Variants in CFAP299 observed in about 807,000 individuals in gnomAD.
CFAP299 encodes the protein cilia- and flagella-associated protein 299.
In CFAP299, 21 loss-of-function variants were observed where a neutral mutation model predicts 27.0. The ratio of observed to expected loss-of-function variants is 0.78; its 90% CI spans 0.55 to 1.12. CFAP299 has a LOEUF of 1.12. Among genes scored for constraint, CFAP299 ranks in the 50% most tolerant of loss-of-function variants. CFAP299 has a pLI of 0.00. For synonymous variants in CFAP299, 104 were observed against 98.1 expected, an observed-to-expected ratio of 1.06 and a Z score of -0.36; for missense variants, 310 against 276.6, an observed-to-expected ratio of 1.12 and a Z score of -0.86.
At chr4:80,518,941 G>A (rs987266065) in intron 2 of CFAP299, among the ~76,000 whole-genome samples, 1 of 152,096 alleles carries the variant, frequency 6.6e-6, no homozygotes, top group African/African-American at 2.4e-5. Context: ...AAAAGTACTG[G>A]CAAGTGAAGT....
chr4:80,679,882 GA>G (rs1279633167), intron 3 of CFAP299, among the ~76,000 whole-genome samples: 1 of 151,740 alleles, frequency 6.6e-6, no homozygotes, highest in Non-Finnish European at 1.5e-5. Context: ...TTTTCTCCCA[GA>G]CTGTAACTTA....
At chr4:80,506,305 T>C (rs1257233644) in intron 2 of CFAP299, among the ~76,000 whole-genome samples, 8 of 152,030 alleles carry the variant, frequency 5.3e-5, no homozygotes, top group Admixed American at 5.2e-4. Flanking sequence ...GATGGCTGGA[T>C]GTGGGAAATC....
chr4:80,515,981 A>G (rs1475008931), intron 2 of CFAP299, among the ~76,000 whole-genome samples: 1 of 151,170 alleles, frequency 6.6e-6, no homozygotes, highest in Non-Finnish European at 1.5e-5. Context: ...CCAAAATACA[A>G]TATCTAGTGG....
intron 2 of CFAP299, chr4:80,388,403 G>A (rs1725139479): frequency 2.8e-6 from 2 of 724,988 alleles, no homozygotes; most frequent in South Asian, 3.1e-5. Context: ...CTGCTGGACC[G>A]CTGTGGGTGC....
intron 2 of CFAP299, among the ~76,000 whole-genome samples, chr4:80,523,351 G>C (rs910735351): frequency 7.2e-5 from 11 of 152,240 alleles, no homozygotes; most frequent in African/African-American, 2.4e-4. Flanking sequence ...GAAAACCATG[G>C]ACGGTATTGT....
Position 80,948,685 on chromosome 4 carries a change from T to A in CFAP299, c.606+3746T>A, listed in dbSNP as rs368162461. 7.2e-5 allele frequency among the ~76,000 whole-genome samples: 11 copies of A among 152,002 alleles called. No homozygotes were observed. In the South Asian group the frequency reaches 1.9e-3, roughly 26 times the overall value. On this transcript the variant is annotated intron_variant, in intron 5 of 5. Coordinates refer to ENST00000358105, the MANE Select transcript of CFAP299 (RefSeq NM_152770.3). The stretch of plus-strand genomic sequence containing the variant: ...ATTGTATACAATAGTTACAACAAAA[T>A]ATATATATATTTCTTAGTTACACCA...
intron 2 of CFAP299, among the ~76,000 whole-genome samples, chr4:80,548,138 A>G (rs1013025380): frequency 1.3e-5 from 2 of 152,216 alleles, no homozygotes; most frequent in Admixed American, 1.3e-4. Flanking sequence ...ACGCCTATCA[A>G]TGGTGAACCA....
Position 80,360,702 on chromosome 4 carries a change from C to G in CFAP299, c.112-2052C>G, listed in dbSNP as rs1486411593. ...TGTTATAGGTTTCAAGTTTCTGAAT[C>G]CTAGGGCAGATAATGTAAAAAGGAT... On this transcript the variant is annotated intron_variant, in intron 1 of 5. Transcript: ENST00000358105. Among the ~76,000 whole-genome samples, 4 of 152,122 alleles carry G rather than the reference C, an allele frequency of 2.6e-5. No homozygotes were observed. The East Asian group carries it at 7.7e-4, about 29-fold the overall frequency.
At chr4:80,515,233 A>G (rs1483969050) in intron 2 of CFAP299, among the ~76,000 whole-genome samples, 2 of 152,182 alleles carry the variant, frequency 1.3e-5, no homozygotes, top group Admixed American at 6.5e-5. Flanking sequence ...CTGCTTGAGG[A>G]AGACATCTAG....
intron 3 of CFAP299, among the ~76,000 whole-genome samples, chr4:80,784,852 G>T (rs997889493): frequency 2.6e-5 from 4 of 152,052 alleles, no homozygotes; most frequent in Non-Finnish European, 4.4e-5. Context: ...CTTATTTAGA[G>T]AAATATCTAC....
chr4:80,780,998 TA>T (rs1336568425), intron 3 of CFAP299, among the ~76,000 whole-genome samples: 1 of 151,968 alleles, frequency 6.6e-6, no homozygotes, highest in East Asian at 1.9e-4. Flanking sequence ...ATGTAATTAT[TA>T]TATACATAAT....
rs571678883 is a variant in CFAP299, at chr4:80,869,489, A to C, written c.334-504A>C. ...TCTCTGTTGTTCTTTTCGTTTTTCA[A>C]CTGGAATATTGCAATATTGTTAGTA... On this transcript the variant is annotated intron_variant, in intron 3 of 5. Coordinates refer to ENST00000358105, the MANE Select transcript of CFAP299 (RefSeq NM_152770.3). 5.1e-4 allele frequency among the ~76,000 whole-genome samples: 77 copies of C among 152,278 alleles called. 2 individuals carry two copies. Among genetic ancestry groups the C allele is most frequent in the South Asian group, 6.2e-4 (3 of 4,830 alleles).
At chr4:80,843,085 T>A (rs1034617952) in intron 3 of CFAP299, among the ~76,000 whole-genome samples, 9 of 151,268 alleles carry the variant, frequency 5.9e-5, no homozygotes, top group African/African-American at 2.2e-4. Flanking sequence ...TATATAAATA[T>A]ATATTTTTAT....
chr4:80,919,812 A>G (rs116491559), intron 4 of CFAP299, among the ~76,000 whole-genome samples: 157 of 152,074 alleles, frequency 1.0e-3, no homozygotes, highest in African/African-American at 3.5e-3. Flanking sequence ...ATTTTTTTTT[A>G]CATAGATCCA....
intron 3 of CFAP299, among the ~76,000 whole-genome samples, chr4:80,679,276 T>C (rs766364963): frequency 1.2e-4 from 18 of 152,186 alleles, no homozygotes; most frequent in Non-Finnish European, 2.5e-4. Context: ...AGTATTCCAT[T>C]GTGTCGTGGT....
At chr4:80,908,476 G>A (rs1213260923) in intron 4 of CFAP299, among the ~76,000 whole-genome samples, 3 of 152,110 alleles carry the variant, frequency 2.0e-5, no homozygotes, top group Non-Finnish European at 4.4e-5. Context: ...AAGTAACAAA[G>A]TTTGGAAAAA....
chr4:80,884,264 G>A (rs1733862404), intron 4 of CFAP299, among the ~76,000 whole-genome samples: 1 of 152,140 alleles, frequency 6.6e-6, no homozygotes, highest in African/African-American at 2.4e-5. Context: ...GATAGATCAT[G>A]TCAGGCCACA....
At chr4:80,788,629 T>C (rs757944317) in intron 3 of CFAP299, among the ~76,000 whole-genome samples, 6 of 152,040 alleles carry the variant, frequency 3.9e-5, no homozygotes, top group Non-Finnish European at 8.8e-5. Context: ...AAGTATTTTG[T>C]AAATGGTATC....
intron 2 of CFAP299, among the ~76,000 whole-genome samples, chr4:80,506,587 A>G (rs1732049848): frequency 1.3e-5 from 2 of 152,196 alleles, no homozygotes; most frequent in African/African-American, 2.4e-5. Context: ...TTAGTTGTCC[A>G]TATGTTGACT....
Sources: allele counts gnomAD v4.1 joint callset (sites outside exome capture counted in the v4.1 genomes callset), GRCh38; gene constraint gnomAD v4.1.1; transcripts MANE v1.5; gene names NCBI Gene and HGNC (gene_info 2026-07-23, HGNC 2026-07-21).